The following SEZ6L variants were observed in gnomAD, a reference collection of about 807,000 sequenced individuals.
The protein encoded by SEZ6L is seizure 6-like protein.
Under a neutral mutation model 106.2 loss-of-function variants are expected in SEZ6L, and 37 were observed. That is an observed-to-expected ratio of 0.35 (90% CI 0.27 to 0.46). The LOEUF is 0.46. SEZ6L is among the 20% of genes least tolerant of loss of function. The pLI is 1.00. For missense variants in SEZ6L, 1,172 were observed against 1,332.8 expected (o/e 0.88, Z 1.88); for synonymous variants, 541 against 570.4 (o/e 0.95, Z 0.73).
In SEZ6L at chr22:26,235,623, TGAAA is replaced by T. The variant is rs201500472; in HGVS notation, c.95-56780_95-56777del. ...AGGTGATAAATAGACATTAGCCAGG[TGAAA>T]GAGAGGGAAGGCATTCTAGGCCAAG... On this transcript the variant is annotated intron_variant, in intron 1 of 16. Coordinates refer to ENST00000248933, the MANE Select transcript of SEZ6L (RefSeq NM_021115.5). Among the ~76,000 whole-genome samples, 94 of 151,928 alleles carry T rather than the reference TGAAA, an allele frequency of 6.2e-4. 2 individuals are homozygous for T. In the East Asian group the frequency reaches 0.016, roughly 25 times the overall value.
intron 9 of SEZ6L, among the ~76,000 whole-genome samples, chr22:26,327,487 C>T (rs976910421): frequency 1.4e-5 from 2 of 146,586 alleles, no homozygotes; most frequent in African/African-American, 5.1e-5. Context: ...TCACACACAC[C>T]ACATGACACT....
chr22:26,348,568 AAGAAAGAAAGAAAGAAAG>A (rs2083096221), intron 11 of SEZ6L, among the ~76,000 whole-genome samples: 1 of 95,112 alleles, frequency 1.1e-5, no homozygotes, highest in Non-Finnish European at 1.9e-5. Context: ...GAAGGGAGGA[AAGAAAGAAAGAAAGAAAG>A]AGAAAGAAAG....
intron 1 of SEZ6L, among the ~76,000 whole-genome samples, chr22:26,195,002 G>T (rs191178651): frequency 6.6e-6 from 1 of 152,240 alleles, no homozygotes; most frequent in East Asian, 1.9e-4. Context: ...GTTTTTGCTG[G>T]ACAGGACATA....
chr22:26,259,857 T>C (rs778979558), intron 1 of SEZ6L, among the ~76,000 whole-genome samples: 1 of 152,222 alleles, frequency 6.6e-6, no homozygotes, highest in Non-Finnish European at 1.5e-5. Context: ...TTGTGATTTA[T>C]GTGCTATTAA....
chr22:26,245,202 T>C (rs1317349892), intron 1 of SEZ6L, among the ~76,000 whole-genome samples: 3 of 152,166 alleles, frequency 2.0e-5, no homozygotes, highest in Non-Finnish European at 2.9e-5. Flanking sequence ...AGGGTTTCCA[T>C]GGCAACCTTT....
chr22:26,211,804 T>TAAAAAAAAAAAAAAAAAAAAAAAAA, intron 1 of SEZ6L, among the ~76,000 whole-genome samples: 1 of 48,082 alleles, frequency 2.1e-5, no homozygotes, highest in East Asian at 6.3e-4. Flanking sequence ...ACCTCGTCTC[T>TAAAAAAAAAAAAAAAAAAAAAAAAA]AAAAAAAAAA....
At chr22:26,345,267 G>A (rs541393689) in intron 10 of SEZ6L, among the ~76,000 whole-genome samples, 1 of 152,212 alleles carries the variant, frequency 6.6e-6, no homozygotes, top group South Asian at 2.1e-4. Context: ...CTTAGCCAAG[G>A]CCACCCAGTT....
intron 1 of SEZ6L, among the ~76,000 whole-genome samples, chr22:26,197,082 T>C (rs1940629755): frequency 6.6e-6 from 1 of 152,238 alleles, no homozygotes; most frequent in African/African-American, 2.4e-5. Flanking sequence ...CCCACTTCCA[T>C]ACAGACACTA....
intron 10 of SEZ6L, among the ~76,000 whole-genome samples, chr22:26,345,319 G>C (rs1294757916): frequency 2.6e-5 from 4 of 152,198 alleles, no homozygotes; most frequent in African/African-American, 4.8e-5. Context: ...CTTCTACATC[G>C]TGGCAGCAAC....
chr22:26,256,199 A>G (rs2079814170), intron 1 of SEZ6L, among the ~76,000 whole-genome samples: 1 of 152,210 alleles, frequency 6.6e-6, no homozygotes, highest in South Asian at 2.1e-4. Context: ...AAACAATGAA[A>G]GGCAGATAAG....
At chr22:26,375,531 T>A in intron 14 of SEZ6L, 44 bp from the exon 15 acceptor site, 1 of 1,537,484 alleles carries the variant, frequency 6.5e-7, no homozygotes, top group Non-Finnish European at 9.0e-7. Context: ...TCACTGGGAG[T>A]CAGCTACCTG....
intron 1 of SEZ6L, among the ~76,000 whole-genome samples, chr22:26,181,607 G>A (rs1939400353): frequency 1.3e-5 from 2 of 152,182 alleles, no homozygotes; most frequent in Admixed American, 6.6e-5. Flanking sequence ...ATCCGACTGT[G>A]TAAGCTTGAG....
At chr22:26,207,725 T>C (rs1353118542) in intron 1 of SEZ6L, among the ~76,000 whole-genome samples, 1 of 152,190 alleles carries the variant, frequency 6.6e-6, no homozygotes, top group African/African-American at 2.4e-5. Context: ...TTACATTATA[T>C]ATCCTTAACT....
At chr22:26,196,052 A>C (rs1940558093) in intron 1 of SEZ6L, among the ~76,000 whole-genome samples, 2 of 152,154 alleles carry the variant, frequency 1.3e-5, no homozygotes, top group Admixed American at 1.3e-4. Context: ...TGTAATCCCC[A>C]ATGTTGGAAA....
Position 26,292,764 on chromosome 22 carries a change from C to T in SEZ6L, c.453C>T (p.Ser151=), listed in dbSNP as rs777170589. 1.2e-6 allele frequency: 2 copies of T among 1,614,154 alleles called. No homozygotes were observed. Among genetic ancestry groups the T allele is most frequent in the Non-Finnish European group, 1.7e-6 (2 of 1,179,990 alleles). The change falls in exon 2 of 17, where the codon TCC becomes TCT. Residue 151 remains serine, a synonymous_variant. Transcript: ENST00000248933. ...TVQRAGSQPA[S]QGLDLLSSST... ...AAAGGGCAGGGTCCCAGCCAGCGTCCCAGGGCCTAGATCTCCTCTCCTCCT... is the reference window on the plus strand; with the variant it reads ...AAAGGGCAGGGTCCCAGCCAGCGTCTCAGGGCCTAGATCTCCTCTCCTCCT...
At chr22:26,336,664 TAA>T (rs2082655361) in intron 9 of SEZ6L, among the ~76,000 whole-genome samples, 1 of 152,220 alleles carries the variant, frequency 6.6e-6, no homozygotes, top group Non-Finnish European at 1.5e-5. Flanking sequence ...TGCATTTATA[TAA>T]GTCATGGTTT....
intron 9 of SEZ6L, among the ~76,000 whole-genome samples, chr22:26,315,593 A>C (rs1345560976): frequency 6.6e-6 from 1 of 152,288 alleles, no homozygotes; most frequent in East Asian, 1.9e-4. Flanking sequence ...GGCCAATCTA[A>C]GAAAGAATTC....
intron 1 of SEZ6L, among the ~76,000 whole-genome samples, chr22:26,196,762 G>A (rs961544419): frequency 6.6e-6 from 1 of 152,182 alleles, no homozygotes; most frequent in Non-Finnish European, 1.5e-5. Context: ...AGAAGCAACA[G>A]GTTCAAGGTC....
At chr22:26,365,832 C>T (rs1226282584) in intron 13 of SEZ6L, among the ~76,000 whole-genome samples, 1 of 151,862 alleles carries the variant, frequency 6.6e-6, no homozygotes, top group Non-Finnish European at 1.5e-5. Flanking sequence ...CTTGATCATG[C>T]CACTGCACTC....
Sources: gnomAD v4.1 joint callset for allele counts (sites outside exome capture counted in the v4.1 genomes callset) on GRCh38, gnomAD v4.1.1 for gene constraint, MANE v1.5 for transcripts, NCBI Gene and HGNC (gene_info 2026-07-23, HGNC 2026-07-21) for gene names.